ENPP6: variants seen among roughly 807,000 people sequenced by gnomAD.
The protein encoded by ENPP6 is ectonucleotide pyrophosphatase/phosphodiesterase 6, also known as glycerophosphocholine cholinephosphodiesterase ENPP6.
Under a neutral mutation model 42.0 loss-of-function variants are expected in ENPP6, and 32 were observed. The ratio of observed to expected loss-of-function variants is 0.76; its 90% CI spans 0.58 to 1.02. The LOEUF is 1.02. ENPP6 is among the 50% of genes least tolerant of loss of function. The probability of loss-of-function intolerance (pLI) is 0.00; values close to 1 mark genes in which losing one functional copy is unlikely to be tolerated. For synonymous variants in ENPP6, 213 were observed against 216.0 expected (o/e 0.99, Z 0.12); for missense variants, 552 against 566.8 (o/e 0.97, Z 0.27).
rs183612226 is a variant in ENPP6, at chr4:184,139,605, C to T, written c.421+13949G>A. 7.0e-4 allele frequency among the ~76,000 whole-genome samples: 97 copies of T among 138,432 alleles called. 1 individual carries two copies. The highest frequency in any genetic ancestry group is 2.3e-3 in the African/African-American group (86 of 37,190). The allele number at this position is 138,432 out of a possible 152,430, so 90.8% of individuals were successfully genotyped here. ...ATTCCCACCTACGAGTGAGAATATG[C>T]GGTGTTTGGTTTTTTGTTCTTGCGA... On this transcript the variant is annotated intron_variant, in intron 2 of 7. Coordinates refer to ENST00000296741, the MANE Select transcript of ENPP6 (RefSeq NM_153343.4).
chr4:184,116,844 G>T lies in ENPP6; in HGVS notation c.855+12C>A. The T allele has an allele frequency of 2.5e-6, 4 of 1,612,874 alleles. No homozygotes were observed. The highest frequency in any genetic ancestry group is 1.1e-5 in the South Asian group (1 of 91,032). On this transcript the variant is annotated intron_variant, in intron 5 of 7. Transcript: ENST00000296741. ...ACATGGCCCTCCTCCGCCCCCCACG[G>T]GTCTGTCTTGCCTCAGAGTGTTTCC...
intron 1 of ENPP6, among the ~76,000 whole-genome samples, chr4:184,213,405 C>G (rs1012212308): frequency 6.6e-6 from 1 of 152,016 alleles, no homozygotes; most frequent in Non-Finnish European, 1.5e-5. Flanking sequence ...AAAAAACAAA[C>G]AACCCCATCA....
chr4:184,128,225 G>C (rs1736537048), intron 2 of ENPP6, among the ~76,000 whole-genome samples: 1 of 152,302 alleles, frequency 6.6e-6, no homozygotes, highest in African/African-American at 2.4e-5. Flanking sequence ...CTGTCACCCA[G>C]GCTGGAGTGC....
At chr4:184,126,364 C>T (rs13118056) in intron 2 of ENPP6, among the ~76,000 whole-genome samples, 103,053 of 152,070 alleles carry the variant, frequency 0.68, 35,232 homozygotes, top group African/African-American at 0.73. Context: ...TAAAATTCTA[C>T]AGTACAGGTA....
chr4:184,175,775 GAA>G (rs1737550684), intron 1 of ENPP6, among the ~76,000 whole-genome samples: 1 of 152,144 alleles, frequency 6.6e-6, no homozygotes, highest in Admixed American at 6.5e-5. Flanking sequence ...TGGCATATGA[GAA>G]GAGAGCCTGG....
At chr4:184,181,660 G>A (rs1720678739) in intron 1 of ENPP6, among the ~76,000 whole-genome samples, 1 of 152,086 alleles carries the variant, frequency 6.6e-6, no homozygotes, top group Admixed American at 6.5e-5. Context: ...ATACAAAACA[G>A]ACACATAGAC....
intron 6 of ENPP6, among the ~76,000 whole-genome samples, chr4:184,099,413 C>T (rs1300502103): frequency 6.6e-6 from 1 of 152,220 alleles, no homozygotes; most frequent in African/African-American, 2.4e-5. Context: ...CCCTGCTGGT[C>T]CTGGCCACCT....
chr4:184,178,267 T>G lies in ENPP6; in HGVS notation c.242-24534A>C, dbSNP rs1337880163. On this transcript the variant is annotated intron_variant, in intron 1 of 7. Coordinates refer to ENST00000296741, the MANE Select transcript of ENPP6 (RefSeq NM_153343.4). ...CAAGCAGACCAAGCAGAAGAAAGAA[T>G]TTCAGAACTTGAAGACTATCTTGCT... 2.0e-5 allele frequency among the ~76,000 whole-genome samples: 3 copies of G among 151,860 alleles called. No homozygotes were observed. In the East Asian group the frequency reaches 5.8e-4, roughly 29 times the overall value.
chr4:184,149,616 T>C (rs764228449), intron 2 of ENPP6, among the ~76,000 whole-genome samples: 3 of 152,060 alleles, frequency 2.0e-5, no homozygotes, highest in Non-Finnish European at 4.4e-5. Context: ...AGCATATGAG[T>C]GGTTGCATCC....
chr4:184,207,255 T>C (rs1733016483), intron 1 of ENPP6, among the ~76,000 whole-genome samples: 1 of 152,368 alleles, frequency 6.6e-6, no homozygotes, highest in African/African-American at 2.4e-5. Context: ...CTACTCAGAA[T>C]GTTTCTGGGC....
At chr4:184,206,516 A>C (rs1467112121) in intron 1 of ENPP6, among the ~76,000 whole-genome samples, 1 of 151,340 alleles carries the variant, frequency 6.6e-6, no homozygotes, top group African/African-American at 2.4e-5. Flanking sequence ...TCGGCCTCCC[A>C]AAGTGCTGGG....
chr4:184,163,403 C>T (rs542969619), intron 1 of ENPP6, among the ~76,000 whole-genome samples: 7 of 152,238 alleles, frequency 4.6e-5, no homozygotes, highest in East Asian at 1.9e-4. Flanking sequence ...GTAAAGGGAA[C>T]GAGGGTGACC....
At chr4:184,132,444 A>G (rs1736653361) in intron 2 of ENPP6, among the ~76,000 whole-genome samples, 1 of 151,816 alleles carries the variant, frequency 6.6e-6, no homozygotes, top group Non-Finnish European at 1.5e-5. Flanking sequence ...CCAGATATCA[A>G]CTCGTTGTTT....
chr4:184,165,773 G>A (rs1369824077), intron 1 of ENPP6, among the ~76,000 whole-genome samples: 1 of 152,140 alleles, frequency 6.6e-6, no homozygotes, highest in Non-Finnish European at 1.5e-5. Context: ...TCAAGATAAT[G>A]GATACATTTT....
chr4:184,205,316 G>C (rs1219623100), intron 1 of ENPP6, among the ~76,000 whole-genome samples: 2 of 152,256 alleles, frequency 1.3e-5, no homozygotes, highest in East Asian at 3.8e-4. Context: ...GAGGGAGAGA[G>C]AGCGCTGGTG....
rs1187137649 is a variant in ENPP6, at chr4:184,089,674, T to C, written c.*1503A>G. On this transcript the variant is annotated 3_prime_UTR_variant, in exon 8 of 8. Transcript: ENST00000296741. ...AAAAATCTTTTATGTTTTGTAGAGA[T>C]GGGGGTCGCCCTGTGTTGCCCAAGT... The C allele has an allele frequency of 1.3e-5, 2 of 151,740 alleles. No individual in the cohort carries two copies. Among genetic ancestry groups the C allele is most frequent in the East Asian group, 1.9e-4 (1 of 5,180 alleles). 9.4% of individuals were successfully genotyped at this position (151,740 alleles called of 1,614,324 possible).
chr4:184,091,055 A>T lies in ENPP6; in HGVS notation c.*122T>A. The T allele has an allele frequency of 1.2e-6, 1 of 859,956 alleles. No individual in the cohort carries two copies. The highest frequency in any genetic ancestry group is 1.7e-6 in the Non-Finnish European group (1 of 599,796). 53.3% of individuals were successfully genotyped at this position (859,956 alleles called of 1,614,324 possible). ...AGAATTATCCAAGAATAATGTATTTACAATGTGCATGGTCTTGATTGTGTT... is the reference window on the plus strand; with the variant it reads ...AGAATTATCCAAGAATAATGTATTTTCAATGTGCATGGTCTTGATTGTGTT... On this transcript the variant is annotated 3_prime_UTR_variant, in exon 8 of 8. Coordinates refer to ENST00000296741, the MANE Select transcript of ENPP6 (RefSeq NM_153343.4).
At position 184,103,014 on chromosome 4, in the gene ENPP6, G is replaced by A. The variant is rs150609387; in HGVS notation, c.994-5646C>T. On this transcript the variant is annotated intron_variant, in intron 6 of 7. Coordinates refer to ENST00000296741, the MANE Select transcript of ENPP6 (RefSeq NM_153343.4). ...TTTTCTGAGAAGTGCCTGAGATCAG[G>A]GACTGTGCCTCATGTCCCTTTGTGT... Among the ~76,000 whole-genome samples, 275 of 152,364 alleles carry A rather than the reference G, an allele frequency of 1.8e-3. 2 individuals are homozygous for A. The highest frequency in any genetic ancestry group is 6.3e-3 in the African/African-American group (264 of 41,586).
intron 6 of ENPP6, among the ~76,000 whole-genome samples, chr4:184,099,755 A>G (rs1735968856): frequency 6.6e-6 from 1 of 152,026 alleles, no homozygotes; most frequent in Non-Finnish European, 1.5e-5. Flanking sequence ...GGTTTCTTTC[A>G]CTTACTGCAT....
Sources: gnomAD v4.1 joint callset for allele counts (sites outside exome capture counted in the v4.1 genomes callset) on GRCh38, gnomAD v4.1.1 for gene constraint, MANE v1.5 for transcripts, NCBI Gene and HGNC (gene_info 2026-07-23, HGNC 2026-07-21) for gene names.